The following VWA3B variants were observed in gnomAD, a reference collection of about 807,000 sequenced individuals.
VWA3B encodes von Willebrand factor A domain containing 3B.
VWA3B carries 138 observed loss-of-function variants against 158.3 expected under a neutral mutation model. The observed-to-expected ratio is 0.87, with a 90% CI of 0.76 to 1.00. The LOEUF is 1.00. Ranked by LOEUF, VWA3B falls within the 50% of genes least tolerant of loss-of-function variation. The probability of loss-of-function intolerance (pLI) is 0.00; values close to 1 mark genes in which losing one functional copy is unlikely to be tolerated. For missense variants in VWA3B, 1,555 were observed against 1,565.1 expected (o/e 0.99, Z 0.11); for synonymous variants, 596 against 587.3 (o/e 1.01, Z -0.21).
intron 8 of VWA3B, among the ~76,000 whole-genome samples, chr2:98,177,015 T>C (rs1294515794): frequency 6.6e-6 from 1 of 152,132 alleles, no homozygotes; most frequent in African/African-American, 2.4e-5. Context: ...TGGAGGAGGC[T>C]GGGAGAAGAG....
At chr2:98,278,651 A>C (rs1318004356) in intron 22 of VWA3B, among the ~76,000 whole-genome samples, 1 of 152,084 alleles carries the variant, frequency 6.6e-6, no homozygotes, top group Non-Finnish European at 1.5e-5. Flanking sequence ...ATCCCCCTGA[A>C]GTCAAGCTGC....
intron 7 of VWA3B, among the ~76,000 whole-genome samples, chr2:98,134,493 T>A (rs1676115133): frequency 6.6e-6 from 1 of 152,158 alleles, no homozygotes; most frequent in South Asian, 2.1e-4. Context: ...GGAAATAGGC[T>A]GTGATTCAGA....
intron 8 of VWA3B, among the ~76,000 whole-genome samples, chr2:98,165,874 A>G (rs1573959151): frequency 6.6e-6 from 1 of 152,224 alleles, no homozygotes; most frequent in South Asian, 2.1e-4. Flanking sequence ...CAAAATGAAC[A>G]CCAAGCAGGG....
rs1401056042 is a variant in VWA3B, at chr2:98,144,675, TC to T, written c.988+10738del. 3.9e-5 allele frequency among the ~76,000 whole-genome samples: 6 copies of T among 152,148 alleles called. 1 individual carries two copies. The highest frequency in any genetic ancestry group is 6.5e-5 in the Admixed American group (1 of 15,280). On this transcript the variant is annotated intron_variant, in intron 7 of 27. Coordinates refer to ENST00000477737, the MANE Select transcript of VWA3B (RefSeq NM_144992.5). ...TCCTGCTCCCAGGCTCAAGCTATTC[TC>T]CTGCCTCAGCCTCCCAAATAGCTGG...
intron 20 of VWA3B, among the ~76,000 whole-genome samples, chr2:98,251,310 A>G (rs1686787690): frequency 6.6e-6 from 1 of 152,172 alleles, no homozygotes; most frequent in Admixed American, 6.5e-5. Flanking sequence ...TTGTTTTGGC[A>G]TCTAACATTC....
At chr2:98,228,445 G>GA in intron 15 of VWA3B, 113 bp downstream of exon 15, 2 of 1,300,986 alleles carry the variant, frequency 1.5e-6, no homozygotes, top group South Asian at 1.7e-5. Context: ...TTAGTGAAAA[G>GA]AATCACGTAG....
intron 16 of VWA3B, among the ~76,000 whole-genome samples, chr2:98,233,104 G>C (rs1685448156): frequency 6.6e-6 from 1 of 152,182 alleles, no homozygotes. Context: ...CCTTTTTCCA[G>C]TCCTGCCTGC....
chr2:98,192,087 A>T (rs1681635183), intron 10 of VWA3B, among the ~76,000 whole-genome samples: 1 of 152,242 alleles, frequency 6.6e-6, no homozygotes, highest in Non-Finnish European at 1.5e-5. Context: ...CATAAGTTTC[A>T]TTGAAGCTTC....
chr2:98,131,384 T>C (rs777837993), intron 6 of VWA3B, among the ~76,000 whole-genome samples: 1 of 152,246 alleles, frequency 6.6e-6, no homozygotes, highest in Non-Finnish European at 1.5e-5. Context: ...GTATCTTGGC[T>C]ATTGTGAATA....
At chr2:98,312,082 T>A in intron 27 of VWA3B, 50 bp downstream of exon 27, 1 of 1,601,882 alleles carries the variant, frequency 6.2e-7, no homozygotes, top group African/African-American at 1.3e-5. Context: ...AGGAACACCC[T>A]GAAATCCCTT....
chr2:98,128,449 G>A, intron 6 of VWA3B, 41 bp downstream of exon 6: 1 of 1,600,974 alleles, frequency 6.2e-7, no homozygotes, highest in Non-Finnish European at 8.5e-7. Flanking sequence ...CAAGCGGGTT[G>A]CCTGCTCACA....
chr2:98,122,363 T>C (rs1675033591), intron 5 of VWA3B, among the ~76,000 whole-genome samples: 1 of 152,192 alleles, frequency 6.6e-6, no homozygotes, highest in Non-Finnish European at 1.5e-5. Flanking sequence ...AGAAGTCCAT[T>C]GTTGGAGAAA....
intron 14 of VWA3B, among the ~76,000 whole-genome samples, chr2:98,224,494 C>CAT (rs976618564): frequency 2.2e-4 from 33 of 151,908 alleles, no homozygotes; most frequent in African/African-American, 8.0e-4. Context: ...TTATAAGTCA[C>CAT]ATATATATGC....
chr2:98,124,850 CTT>C (rs1017062445), intron 5 of VWA3B, among the ~76,000 whole-genome samples: 14 of 152,148 alleles, frequency 9.2e-5, no homozygotes, highest in African/African-American at 3.1e-4. Context: ...GTCAAGGACT[CTT>C]TGGCGGGGCA....
chr2:98,306,582 T>C (rs1690537938), intron 26 of VWA3B, among the ~76,000 whole-genome samples: 1 of 152,220 alleles, frequency 6.6e-6, no homozygotes, highest in Admixed American at 6.5e-5. Flanking sequence ...CAATGGTCCC[T>C]GTGGGTCTTG....
chr2:98,272,480 A>T (rs1688261663), intron 22 of VWA3B, among the ~76,000 whole-genome samples: 1 of 152,060 alleles, frequency 6.6e-6, no homozygotes, highest in Non-Finnish European at 1.5e-5. Context: ...TTGGGTTCTT[A>T]TGGAGGCCTC....
At chr2:98,223,892 G>T (rs1449104718) in intron 14 of VWA3B, among the ~76,000 whole-genome samples, 2 of 151,858 alleles carry the variant, frequency 1.3e-5, no homozygotes, top group Non-Finnish European at 2.9e-5. Context: ...CACCATGCGT[G>T]GCTAATTTTT....
intron 8 of VWA3B, among the ~76,000 whole-genome samples, chr2:98,179,940 C>CT (rs1680400439): frequency 7.6e-6 from 1 of 130,964 alleles, no homozygotes; most frequent in Non-Finnish European, 1.6e-5. Context: ...TCCTCCCTCC[C>CT]TCCTTTCTCT....
chr2:98,244,984 C>G (rs534279902), intron 19 of VWA3B, among the ~76,000 whole-genome samples: 8 of 152,236 alleles, frequency 5.3e-5, no homozygotes, highest in Non-Finnish European at 1.0e-4. Flanking sequence ...TCTCTGCACC[C>G]TCCATCCCCA....
Sources: allele counts gnomAD v4.1 joint callset (sites outside exome capture counted in the v4.1 genomes callset), GRCh38; gene constraint gnomAD v4.1.1; transcripts MANE v1.5; gene names NCBI Gene and HGNC (gene_info 2026-07-23, HGNC 2026-07-21).